Variants in GALNT17 observed in about 807,000 individuals in gnomAD.
GALNT17 encodes polypeptide N-acetylgalactosaminyltransferase 17.
GALNT17 carries 29 observed loss-of-function variants against 63.7 expected under a neutral mutation model. That is an observed-to-expected ratio of 0.46 (90% confidence interval 0.34 to 0.62). The LOEUF is 0.62. Ranked by LOEUF, GALNT17 falls within the 20% of genes least tolerant of loss-of-function variation. GALNT17 has a pLI of 0.01. For synonymous variants in GALNT17, 305 were observed against 318.3 expected, an observed-to-expected ratio of 0.96 and a Z score of 0.45; for missense variants, 603 against 799.6, an observed-to-expected ratio of 0.75 and a Z score of 2.97.
At chr7:71,637,174 ATTATTTATTT>A (rs1437833239) in intron 6 of GALNT17, among the ~76,000 whole-genome samples, 1 of 151,930 alleles carries the variant, frequency 6.6e-6, no homozygotes, top group African/African-American at 2.4e-5. Flanking sequence ...TGTTGTTGTT[ATTATTTATTT>A]TTATTTATTT....
intron 7 of GALNT17, 67 bp downstream of exon 7, chr7:71,665,663 T>C: frequency 6.6e-7 from 1 of 1,514,736 alleles, no homozygotes; most frequent in South Asian, 1.3e-5. Context: ...CACTATTTAT[T>C]TAATAAACCA....
chr7:71,226,516 G>A (rs548910633), intron 1 of GALNT17, among the ~76,000 whole-genome samples: 3 of 152,096 alleles, frequency 2.0e-5, no homozygotes, highest in Admixed American at 2.0e-4. Context: ...CTTTGAGACC[G>A]AGTCTTGCTG....
chr7:71,241,512 G>A (rs763935724), intron 1 of GALNT17, among the ~76,000 whole-genome samples: 2 of 152,152 alleles, frequency 1.3e-5, no homozygotes, highest in African/African-American at 2.4e-5. Context: ...AAAGTGCCAC[G>A]TTCCATTTCC....
chr7:71,150,980 A>C (rs79061372), intron 1 of GALNT17, among the ~76,000 whole-genome samples: 5 of 137,152 alleles, frequency 3.6e-5, no homozygotes, highest in African/African-American at 1.3e-4. Flanking sequence ...CTGACTTCAA[A>C]AAAAAAAAAA....
intron 6 of GALNT17, among the ~76,000 whole-genome samples, chr7:71,662,330 C>CTATT (rs1554320969): frequency 4.0e-5 from 6 of 151,348 alleles, no homozygotes; most frequent in Non-Finnish European, 8.9e-5. Flanking sequence ...ATCTATCTAT[C>CTATT]TATCTGTCTG....
chr7:71,638,847 G>A (rs959652734), intron 6 of GALNT17, among the ~76,000 whole-genome samples: 5 of 152,090 alleles, frequency 3.3e-5, no homozygotes, highest in South Asian at 2.1e-4. Flanking sequence ...GGCAAACATC[G>A]CATGGTCTCA....
intron 5 of GALNT17, among the ~76,000 whole-genome samples, chr7:71,477,481 A>G (rs990013050): frequency 2.6e-5 from 4 of 152,208 alleles, no homozygotes; most frequent in African/African-American, 9.6e-5. Flanking sequence ...AGGAGACGCA[A>G]ACTGCACAGA....
chr7:71,294,809 T>C (rs1791048104), intron 1 of GALNT17, among the ~76,000 whole-genome samples: 1 of 152,214 alleles, frequency 6.6e-6, no homozygotes, highest in South Asian at 2.1e-4. Context: ...GTTTTAAACC[T>C]GACCAGTTTA....
intron 6 of GALNT17, among the ~76,000 whole-genome samples, chr7:71,600,021 G>A (rs953167213): frequency 6.6e-6 from 1 of 151,756 alleles, no homozygotes; most frequent in Non-Finnish European, 1.5e-5. Flanking sequence ...TATCCCCCAG[G>A]AGAGAGGACA....
At chr7:71,534,213 C>G (rs530855028) in intron 5 of GALNT17, among the ~76,000 whole-genome samples, 1 of 152,104 alleles carries the variant, frequency 6.6e-6, no homozygotes, top group South Asian at 2.1e-4. Context: ...GGGAAACTTA[C>G]AATCATGGCA....
At chr7:71,212,418 G>C (rs1185034287) in intron 1 of GALNT17, among the ~76,000 whole-genome samples, 2 of 152,232 alleles carry the variant, frequency 1.3e-5, no homozygotes, top group Non-Finnish European at 2.9e-5. Context: ...GGCCCTCATG[G>C]AGAACCTCTG....
At chr7:71,538,429 G>A (rs1247021795) in intron 5 of GALNT17, among the ~76,000 whole-genome samples, 1 of 152,128 alleles carries the variant, frequency 6.6e-6, no homozygotes, top group African/African-American at 2.4e-5. Flanking sequence ...AGGGCACGGA[G>A]AACTCCACTT....
At chr7:71,353,175 TG>T (rs546837441) in intron 2 of GALNT17, among the ~76,000 whole-genome samples, 43 of 152,156 alleles carry the variant, frequency 2.8e-4, no homozygotes, top group Non-Finnish European at 5.7e-4. Flanking sequence ...ACAGAAAAGT[TG>T]CAAGAATACT....
intron 5 of GALNT17, among the ~76,000 whole-genome samples, chr7:71,456,706 T>C (rs1450196313): frequency 1.3e-5 from 2 of 151,388 alleles, no homozygotes; most frequent in Admixed American, 1.3e-4. Context: ...GTAGAAAGGA[T>C]CTAATGGCAT....
At chr7:71,137,971 A>AT (rs1411591541) in intron 1 of GALNT17, among the ~76,000 whole-genome samples, 8 of 152,240 alleles carry the variant, frequency 5.3e-5, no homozygotes, top group African/African-American at 1.9e-4. Flanking sequence ...TAAGCAGTTG[A>AT]TTAACACTTA....
intron 5 of GALNT17, among the ~76,000 whole-genome samples, chr7:71,479,873 T>C: frequency 6.6e-6 from 1 of 152,324 alleles, no homozygotes; most frequent in East Asian, 1.9e-4. Flanking sequence ...ACAGTGGTGC[T>C]ATTCCTGTGA....
chr7:71,646,695 G>C (rs1011268619), intron 6 of GALNT17, among the ~76,000 whole-genome samples: 4 of 150,980 alleles, frequency 2.6e-5, no homozygotes, highest in African/African-American at 9.8e-5. Context: ...GTTGCCTCCT[G>C]CCACAGACAG....
At chr7:71,503,990 A>G (rs1392822108) in intron 5 of GALNT17, among the ~76,000 whole-genome samples, 3 of 152,108 alleles carry the variant, frequency 2.0e-5, no homozygotes, top group African/African-American at 7.2e-5. Context: ...GCACTTTGGG[A>G]GGCCGAGGCG....
intron 9 of GALNT17, among the ~76,000 whole-genome samples, chr7:71,710,372 G>T (rs1375254779): frequency 6.6e-6 from 1 of 152,172 alleles, no homozygotes; most frequent in East Asian, 1.9e-4. Flanking sequence ...GCCGTGTGTG[G>T]TGGTGCGCGC....
Sources: gnomAD v4.1 joint callset for allele counts (sites outside exome capture counted in the v4.1 genomes callset) on GRCh38, gnomAD v4.1.1 for gene constraint, MANE v1.5 for transcripts, NCBI Gene and HGNC (gene_info 2026-07-23, HGNC 2026-07-21) for gene names.